Variants in ADGRG6 observed in about 807,000 individuals in gnomAD.
The protein encoded by ADGRG6 is adhesion G protein-coupled receptor G6.
A neutral mutation model predicts 142.4 loss-of-function variants in ADGRG6; 84 were observed. The ratio of observed to expected loss-of-function variants is 0.59; its 90% CI spans 0.49 to 0.71. The LOEUF is 0.71. ADGRG6 is among the 30% of genes least tolerant of loss of function. The probability of loss-of-function intolerance (pLI) is 0.00; values close to 1 mark genes in which losing one functional copy is unlikely to be tolerated. For synonymous variants in ADGRG6, 521 were observed against 520.5 expected (o/e 1.00, Z -0.01); for missense variants, 1,367 against 1,466.6 (o/e 0.93, Z 1.11).
At chr6:142,317,931 T>TTA (rs1404700845) in intron 2 of ADGRG6, among the ~76,000 whole-genome samples, 164 of 71,120 alleles carry the variant, frequency 2.3e-3, no homozygotes, top group East Asian at 0.013. Flanking sequence ...TATTATATAT[T>TTA]TATATATTAT....
chr6:142,340,551 C>T (rs934277312), intron 2 of ADGRG6, among the ~76,000 whole-genome samples: 5 of 151,988 alleles, frequency 3.3e-5, no homozygotes, highest in Non-Finnish European at 7.4e-5. Flanking sequence ...TGTGCAAATC[C>T]ATGTAGCAAA....
chr6:142,329,841 A>T (rs1778954423), intron 2 of ADGRG6, among the ~76,000 whole-genome samples: 1 of 152,226 alleles, frequency 6.6e-6, no homozygotes, highest in South Asian at 2.1e-4. Flanking sequence ...TGCAATGACA[A>T]CAGTCACATA....
chr6:142,370,609 C>T lies in ADGRG6; in HGVS notation c.885C>T (p.Ser295=). Residue 295 remains serine (S), a synonymous_variant, in exon 4 of 25, where the codon TCC becomes TCT. Transcript: ENST00000367609. ...IPGNGKLLLG[S]NQNEIVSLKG... Reference sequence around the variant, plus strand: ...GGAATGGGAAATTGTTGTTGGGCTCCAATCAAAATGAAATTGTCTCTCTAA... The same window carrying T: ...GGAATGGGAAATTGTTGTTGGGCTCTAATCAAAATGAAATTGTCTCTCTAA... 1 of 1,612,918 alleles carries T rather than the reference C, an allele frequency of 6.2e-7. No homozygotes were observed. The highest frequency in any genetic ancestry group is 8.5e-7 in the Non-Finnish European group (1 of 1,179,064).
intron 2 of ADGRG6, among the ~76,000 whole-genome samples, chr6:142,320,035 A>C (rs1582975443): frequency 6.6e-6 from 1 of 152,220 alleles, no homozygotes; most frequent in East Asian, 1.9e-4. Context: ...GTTCACGTGG[A>C]GGTAAAAAAA....
intron 22 of ADGRG6, among the ~76,000 whole-genome samples, chr6:142,433,887 C>T (rs6570510): frequency 0.39 from 59,061 of 151,932 alleles, 12,967 homozygotes; most frequent in African/African-American, 0.6. Flanking sequence ...GAGACCCCCA[C>T]TTCTACAAAA....
chr6:142,427,119 G>T (rs893546132), intron 22 of ADGRG6, among the ~76,000 whole-genome samples: 2 of 152,116 alleles, frequency 1.3e-5, no homozygotes, highest in African/African-American at 4.8e-5. Context: ...TTCTGCAGCT[G>T]GCTTAAATTT....
rs372599048 is a variant in ADGRG6, at chr6:142,364,802, A to G, written c.104-2767A>G. ...GGTGGGAGGATTGCTTGAGCCCAGT[A>G]GTTTGAGGCTGCAGCGAGGGCCACT... On this transcript the variant is annotated intron_variant, in intron 2 of 24. Transcript: ENST00000367609. Among the ~76,000 whole-genome samples, 49 of 152,244 alleles carry G rather than the reference A, an allele frequency of 3.2e-4. No homozygotes were observed. In the South Asian group the frequency reaches 5.2e-3, roughly 16 times the overall value.
intron 1 of ADGRG6, among the ~76,000 whole-genome samples, chr6:142,305,413 C>G (rs1211696996): frequency 6.8e-6 from 1 of 146,550 alleles, no homozygotes; most frequent in African/African-American, 2.6e-5. Flanking sequence ...CTGCCCCCCC[C>G]CACGAGCCCC....
chr6:142,441,019 G>A (rs1562398399), intron 24 of ADGRG6: 1 of 732,072 alleles, frequency 1.4e-6, no homozygotes. Flanking sequence ...TATGTGCATG[G>A]ATTAAGCTAA....
Position 142,331,255 on chromosome 6 carries a change from T to C in ADGRG6, c.103+21611T>C, listed in dbSNP as rs1380083185. On this transcript the variant is annotated intron_variant, in intron 2 of 24. Coordinates refer to ENST00000367609, the MANE Select transcript of ADGRG6 (RefSeq NM_198569.3). ...TTTAGATCTGAGAAGATATGCTGCC[T>C]CTTTTTTTTCACTGCCCCTCCCCTC... 2.0e-5 allele frequency among the ~76,000 whole-genome samples: 3 copies of C among 152,144 alleles called. No homozygotes were observed. In the East Asian group the frequency reaches 5.8e-4, roughly 29 times the overall value.
intron 15 of ADGRG6, among the ~76,000 whole-genome samples, chr6:142,407,151 A>G (rs925376654): frequency 7.5e-5 from 11 of 147,446 alleles, no homozygotes; most frequent in African/African-American, 2.9e-4. Flanking sequence ...TCAAGCCAAC[A>G]TAGTGAGACC....
intron 24 of ADGRG6, among the ~76,000 whole-genome samples, chr6:142,442,388 A>G (rs1329634848): frequency 1.3e-5 from 2 of 152,218 alleles, no homozygotes; most frequent in Non-Finnish European, 2.9e-5. Context: ...TGTAGGATAC[A>G]TGAAGACAAC....
chr6:142,440,864 C>T (rs754982556), intron 24 of ADGRG6: 17 of 960,326 alleles, frequency 1.8e-5, no homozygotes, highest in Non-Finnish European at 2.2e-5. Context: ...CTAGCTGGTT[C>T]ATTTCTTGGA....
intron 6 of ADGRG6, among the ~76,000 whole-genome samples, chr6:142,389,148 T>C (rs952752407): frequency 2.0e-5 from 3 of 151,998 alleles, no homozygotes; most frequent in African/African-American, 7.2e-5. Context: ...GCAATTTATA[T>C]TGTTTAGCAC....
At chr6:142,377,828 G>A (rs1781576663) in intron 4 of ADGRG6, among the ~76,000 whole-genome samples, 1 of 151,996 alleles carries the variant, frequency 6.6e-6, no homozygotes, top group Non-Finnish European at 1.5e-5. Flanking sequence ...TCATGTATTT[G>A]TTTATTTTGG....
chr6:142,408,685 T>C (rs1465882060), intron 16 of ADGRG6, among the ~76,000 whole-genome samples: 1 of 152,166 alleles, frequency 6.6e-6, no homozygotes, highest in African/African-American at 2.4e-5. Flanking sequence ...ACTTATTTTT[T>C]GAGAGGTTAG....
chr6:142,443,325 C>A lies in ADGRG6; in HGVS notation c.3575-12C>A, dbSNP rs1777845429. On this transcript the variant is annotated splice_polypyrimidine_tract_variant and intron_variant, in intron 24 of 24. Coordinates refer to ENST00000367609, the MANE Select transcript of ADGRG6 (RefSeq NM_198569.3). ...TCATCTTGAACCTAATTTCTTGTAT[C>A]ATTTCTTGCAGACAGTGCTTCCATG... The A allele has an allele frequency of 6.3e-7, 1 of 1,598,988 alleles. No homozygotes were observed. The highest frequency in any genetic ancestry group is 8.5e-7 in the Non-Finnish European group (1 of 1,170,878).
At chr6:142,381,533 A>G (rs1486786306) in intron 4 of ADGRG6, among the ~76,000 whole-genome samples, 3 of 152,244 alleles carry the variant, frequency 2.0e-5, no homozygotes, top group African/African-American at 7.2e-5. Context: ...CAAATAGCAT[A>G]TGCTAGGATG....
intron 2 of ADGRG6, among the ~76,000 whole-genome samples, chr6:142,317,761 A>G (rs1403635644): frequency 2.9e-5 from 3 of 103,386 alleles, no homozygotes; most frequent in Non-Finnish European, 5.4e-5. Context: ...TTTATATTAT[A>G]TATATTTATA....
Sources: gnomAD v4.1 joint callset for allele counts (sites outside exome capture counted in the v4.1 genomes callset) on GRCh38, gnomAD v4.1.1 for gene constraint, MANE v1.5 for transcripts, NCBI Gene and HGNC (gene_info 2026-07-23, HGNC 2026-07-21) for gene names.